Variants in SDK1 observed in about 807,000 individuals in gnomAD.
The protein encoded by SDK1 is sidekick cell adhesion molecule 1.
A neutral mutation model predicts 245.5 loss-of-function variants in SDK1; 157 were observed. That is an observed-to-expected ratio of 0.64 (90% CI 0.56 to 0.73). The LOEUF (loss-of-function observed/expected upper bound fraction) is 0.73. Among genes scored for constraint, SDK1 ranks in the 30% least tolerant of loss-of-function variants. The pLI is 0.00. For synonymous variants in SDK1, 1,647 were observed against 1,278.5 expected, an observed-to-expected ratio of 1.29 and a Z score of -6.15; for missense variants, 3,583 against 3,002.3, an observed-to-expected ratio of 1.19 and a Z score of -4.52.
intron 35 of SDK1, among the ~76,000 whole-genome samples, chr7:4,204,035 ATCCAAG>A (rs1023681049): frequency 6.6e-6 from 1 of 152,176 alleles, no homozygotes; most frequent in Admixed American, 6.5e-5. Flanking sequence ...ACAGGCGGAT[ATCCAAG>A]TCCAGAGCTG....
chr7:3,619,553 C>T (rs752457247), intron 2 of SDK1, among the ~76,000 whole-genome samples: 2 of 152,182 alleles, frequency 1.3e-5, no homozygotes, highest in Non-Finnish European at 2.9e-5. Context: ...TTTCCAAGGG[C>T]AACAGCCCTA....
rs116525752 is a variant in SDK1 at position 3,431,552 on chromosome 7, A to G, written c.298+129668A>G. Among the ~76,000 whole-genome samples the G allele has an allele frequency of 8.8e-3, 1,340 of 151,848 alleles. 24 individuals carry two copies. Among genetic ancestry groups the G allele is most frequent in the African/African-American group, 0.03 (1,239 of 41,400 alleles). The stretch of plus-strand genomic sequence containing the variant: ...AATACCAAAGGTGAATACCAAATCA[A>G]TTTTTTTTAGTATTGTACTTGTAAA... On this transcript the variant is annotated intron_variant, in intron 1 of 44. Coordinates refer to ENST00000404826, the MANE Select transcript of SDK1 (RefSeq NM_152744.4).
intron 40 of SDK1, among the ~76,000 whole-genome samples, chr7:4,225,898 G>A (rs554018887): frequency 5.3e-5 from 8 of 152,174 alleles, no homozygotes; most frequent in African/African-American, 1.7e-4. Context: ...AAAGCAGGTC[G>A]CCAACGATCT....
At chr7:4,011,529 C>T (rs1475094470) in intron 15 of SDK1, among the ~76,000 whole-genome samples, 2 of 152,200 alleles carry the variant, frequency 1.3e-5, no homozygotes, top group South Asian at 2.1e-4. Context: ...GCAGAGGCGT[C>T]GCATTCCTGA....
chr7:3,622,001 G>A (rs1477665720), intron 2 of SDK1, among the ~76,000 whole-genome samples: 2 of 152,090 alleles, frequency 1.3e-5, no homozygotes, highest in South Asian at 4.1e-4. Flanking sequence ...CTTTGTGTTG[G>A]ATGATTTTGC....
intron 13 of SDK1, among the ~76,000 whole-genome samples, chr7:3,984,897 C>G (rs1171096784): frequency 6.6e-6 from 1 of 152,226 alleles, no homozygotes; most frequent in East Asian, 1.9e-4. Flanking sequence ...TCTGTGCAGG[C>G]CAGTGCATTT....
At chr7:3,430,557 C>G (rs1779813171) in intron 1 of SDK1, among the ~76,000 whole-genome samples, 1 of 152,204 alleles carries the variant, frequency 6.6e-6, no homozygotes, top group South Asian at 2.1e-4. Context: ...TGATGACTGT[C>G]TTTCTCTAGC....
chr7:3,660,998 T>A (rs775186371), intron 4 of SDK1, among the ~76,000 whole-genome samples: 1 of 152,170 alleles, frequency 6.6e-6, no homozygotes, highest in Non-Finnish European at 1.5e-5. Flanking sequence ...TGCTGAGTAA[T>A]TTTTGGTATT....
At chr7:3,852,073 T>C (rs1780431553) in intron 5 of SDK1, among the ~76,000 whole-genome samples, 1 of 152,126 alleles carries the variant, frequency 6.6e-6, no homozygotes, top group African/African-American at 2.4e-5. Context: ...GAGGTCTGCT[T>C]TGTGCAGAGC....
intron 1 of SDK1, among the ~76,000 whole-genome samples, chr7:3,465,321 A>G (rs1046711857): frequency 1.3e-5 from 2 of 152,216 alleles, no homozygotes; most frequent in African/African-American, 4.8e-5. Context: ...TCCATAACAC[A>G]TACAAATTAA....
intron 1 of SDK1, among the ~76,000 whole-genome samples, chr7:3,320,473 CT>C: frequency 6.6e-6 from 1 of 152,198 alleles, no homozygotes; most frequent in Non-Finnish European, 1.5e-5. Flanking sequence ...AAAAATTAGC[CT>C]TAATATTGAT....
At chr7:4,131,088 G>C (rs1784781838) in intron 27 of SDK1, among the ~76,000 whole-genome samples, 1 of 152,202 alleles carries the variant, frequency 6.6e-6, no homozygotes, top group Non-Finnish European at 1.5e-5. Context: ...AGGAGGGAAT[G>C]GGAATGTGGG....
At chr7:4,247,922 G>A (rs961942124) in intron 44 of SDK1, among the ~76,000 whole-genome samples, 1 of 152,180 alleles carries the variant, frequency 6.6e-6, no homozygotes, top group Admixed American at 6.5e-5. Flanking sequence ...AGAGGAAGGG[G>A]AGGGAGGCAT....
Position 4,268,665 on chromosome 7 carries a change from T to G in SDK1, c.*3281T>G. The G allele has an allele frequency of 1.5e-6, 2 of 1,367,840 alleles. No homozygotes were observed. The highest frequency in any genetic ancestry group is 2.0e-6 in the Non-Finnish European group (2 of 1,021,974). The allele number at this position is 1,367,840 out of a possible 1,614,324, so 84.7% of individuals were successfully genotyped here. ...AGCATGGTTTTTATTTCTTACGCAT[T>G]CTTGGCACACAGTGTAGCTATCCTC... On this transcript the variant is annotated 3_prime_UTR_variant, in exon 45 of 45. Coordinates refer to ENST00000404826, the MANE Select transcript of SDK1 (RefSeq NM_152744.4).
At chr7:4,061,873 A>T (rs1293412412) in intron 19 of SDK1, among the ~76,000 whole-genome samples, 1 of 151,232 alleles carries the variant, frequency 6.6e-6, no homozygotes, top group Admixed American at 6.6e-5. Context: ...TCAGTAAACT[A>T]TCGCAAGAAC....
intron 4 of SDK1, among the ~76,000 whole-genome samples, chr7:3,699,237 A>G (rs1024986424): frequency 2.0e-5 from 3 of 152,228 alleles, no homozygotes; most frequent in Non-Finnish European, 2.9e-5. Context: ...TGATCATAAC[A>G]AGAACCAAGA....
intron 14 of SDK1, among the ~76,000 whole-genome samples, chr7:3,999,398 C>T (rs562742975): frequency 3.9e-5 from 6 of 152,154 alleles, no homozygotes; most frequent in South Asian, 4.2e-4. Context: ...CAAGAATATA[C>T]GAGGGGGCGT....
At chr7:4,109,816 G>A (rs891462638) in intron 22 of SDK1, among the ~76,000 whole-genome samples, 1 of 152,214 alleles carries the variant, frequency 6.6e-6, no homozygotes, top group Non-Finnish European at 1.5e-5. Context: ...AAGAGCACAA[G>A]GATGAGTGAG....
At chr7:4,065,650 C>T (rs553327009) in intron 19 of SDK1, among the ~76,000 whole-genome samples, 75 of 127,810 alleles carry the variant, frequency 5.9e-4, no homozygotes, top group African/African-American at 2.0e-3. Flanking sequence ...TTGAGCTTAT[C>T]TGTGAAAAGT....
Sources: allele counts gnomAD v4.1 joint callset (sites outside exome capture counted in the v4.1 genomes callset), GRCh38; gene constraint gnomAD v4.1.1; transcripts MANE v1.5; gene names NCBI Gene and HGNC (gene_info 2026-07-23, HGNC 2026-07-21).